Variants in PPIG observed in about 807,000 individuals in gnomAD.
The protein encoded by PPIG is peptidylprolyl isomerase G.
In PPIG, 26 loss-of-function variants were observed where a neutral mutation model predicts 87.9. That is an observed-to-expected ratio of 0.30 (90% confidence interval 0.22 to 0.41). The LOEUF is 0.41. Ranked by LOEUF, PPIG falls within the 10% of genes least tolerant of loss-of-function variation. The pLI, the probability that PPIG is intolerant of heterozygous loss-of-function variation, is 1.00. For missense variants in PPIG, 722 were observed against 879.4 expected, an observed-to-expected ratio of 0.82 and a Z score of 2.26; for synonymous variants, 308 against 276.5, an observed-to-expected ratio of 1.11 and a Z score of -1.13.
At position 169,637,353 on chromosome 2, in the gene PPIG, A is replaced by G. The variant is rs8207; in HGVS notation, c.2095A>G (p.Asn699Asp). The change falls in exon 14 of 14, where the codon AAT (asparagine) becomes GAT (aspartate). Residue 699 changes from asparagine to aspartate, a missense_variant. Physicochemically the swap from Asn to Asp is conservative, Grantham distance 23. Coordinates refer to ENST00000260970, the MANE Select transcript of PPIG (RefSeq NM_004792.3). ...FSKIKQSSQD[N>D]ELKSSMLKNK... Reference sequence around the variant, plus strand: ...AAAAATAAAACAAAGCAGTCAGGACAATGAATTAAAGTCCTCCATGTTGAA... The same window carrying G: ...AAAAATAAAACAAAGCAGTCAGGACGATGAATTAAAGTCCTCCATGTTGAA... 404,772 of 1,609,656 alleles carry G rather than the reference A, an allele frequency of 0.25. 53,281 individuals carry two copies. The highest frequency in any genetic ancestry group is 0.29 in the Middle Eastern group (1,597 of 5,450).
rs1328525314 is a variant in PPIG at position 169,638,952 on chromosome 2, C to G, written c.*1429C>G. 6.6e-6 allele frequency: 1 copy of G among 151,976 alleles called. No homozygotes were observed. Among genetic ancestry groups the G allele is most frequent in the Non-Finnish European group, 1.5e-5 (1 of 67,906 alleles). The allele number at this position is 151,976 out of a possible 1,614,324, so 9.4% of individuals were successfully genotyped here. On this transcript the variant is annotated 3_prime_UTR_variant, in exon 14 of 14. Transcript: ENST00000260970. ...TTAATATTTGTCAGTGTAGTGTCAA[C>G]TCTGTTACCAAGGTAGCTTCTTGGT...
Position 169,636,682 on chromosome 2 carries a change from C to A in PPIG, c.1424C>A (p.Ser475Ter). The stretch of plus-strand genomic sequence containing the variant: ...AAATCAAAGAGTAAAGAAAGAGATT[C>A]AAAACATAATAGAAATGAAGAAAAG... The part of the protein sequence containing the change: ...KEKSKSKERD[S>*]KHNRNEEKRM... The change falls in exon 14 of 14, where the codon TCA (serine) becomes TAA (stop). Residue 475 changes from serine (S) to a stop codon, truncating the protein, a stop_gained. Coordinates refer to ENST00000260970, the MANE Select transcript of PPIG (RefSeq NM_004792.3). LOFTEE classifies it high-confidence loss of function. 6.2e-7 allele frequency: 1 copy of A among 1,607,016 alleles called. No individual in the cohort carries two copies. Among genetic ancestry groups the A allele is most frequent in the South Asian group, 1.1e-5 (1 of 89,032 alleles).
chr2:169,595,002 C>T (rs1574437258), intron 1 of PPIG, among the ~76,000 whole-genome samples: 2 of 152,110 alleles, frequency 1.3e-5, no homozygotes, highest in African/African-American at 4.8e-5. Flanking sequence ...GATCTCAGCT[C>T]ACTACAACCT....
At chr2:169,629,613 A>C (rs181097260) in intron 9 of PPIG, among the ~76,000 whole-genome samples, 133 of 152,330 alleles carry the variant, frequency 8.7e-4, no homozygotes, top group African/African-American at 2.9e-3. Context: ...TTACTAATTG[A>C]GTCCTTACTG....
At chr2:169,597,304 A>T (rs1474566289) in intron 1 of PPIG, among the ~76,000 whole-genome samples, 2 of 151,850 alleles carry the variant, frequency 1.3e-5, no homozygotes, top group Admixed American at 1.3e-4. Context: ...TACTTGTAAA[A>T]TTTAATTTAA....
intron 1 of PPIG, among the ~76,000 whole-genome samples, chr2:169,589,917 C>G (rs918617794): frequency 1.3e-5 from 2 of 151,780 alleles, no homozygotes; most frequent in African/African-American, 4.8e-5. Flanking sequence ...TGAGACCAGT[C>G]TGACCAACAT....
At chr2:169,609,087 A>C (rs1685416915) in intron 7 of PPIG, among the ~76,000 whole-genome samples, 1 of 151,874 alleles carries the variant, frequency 6.6e-6, no homozygotes, top group Non-Finnish European at 1.5e-5. Flanking sequence ...GTCTCAAAAA[A>C]AAAAAAAAAA....
At chr2:169,612,094 G>A (rs138943033) in intron 7 of PPIG, among the ~76,000 whole-genome samples, 3,767 of 152,162 alleles carry the variant, frequency 0.025, 166 homozygotes, top group African/African-American at 0.086. Context: ...TACCGCCTCA[G>A]CCTCCCAAAG....
At chr2:169,615,876 C>T (rs751572076) in intron 9 of PPIG, among the ~76,000 whole-genome samples, 2 of 152,100 alleles carry the variant, frequency 1.3e-5, no homozygotes, top group South Asian at 2.1e-4. Flanking sequence ...ACTTTAAGTT[C>T]TGGGATACAT....
rs1454051195 is a variant in PPIG, at chr2:169,592,262, AGATGTTTGTCTTACTGCATCTGGT to A, written c.-70+7773_-70+7796del. Reference sequence around the variant, plus strand: ...CTTGAAAAAAAATGAAAAATTGACCAGATGTTTGTCTTACTGCATCTGGTTTCAGATGTCTTTTTTCTTTTTTTT... The same window carrying A: ...CTTGAAAAAAAATGAAAAATTGACCATTCAGATGTCTTTTTTCTTTTTTTT... On this transcript the variant is annotated intron_variant, in intron 1 of 13. Transcript: ENST00000260970. Among the ~76,000 whole-genome samples, 11 of 147,324 alleles carry A rather than the reference AGATGTTTGTCTTACTGCATCTGGT, an allele frequency of 7.5e-5. No homozygotes were observed. In the East Asian group the frequency reaches 1.6e-3, roughly 21 times the overall value.
chr2:169,634,713 C>T (rs1023544531), intron 12 of PPIG, among the ~76,000 whole-genome samples: 3 of 152,072 alleles, frequency 2.0e-5, no homozygotes, highest in African/African-American at 7.2e-5. Flanking sequence ...ATGAATATAT[C>T]TTACCCATCA....
At position 169,603,581 on chromosome 2, in the gene PPIG, C is replaced by T. The variant is rs1111534; in HGVS notation, c.-69-61C>T. Reference sequence around the variant, plus strand: ...CTATATACTATTCTTTTTCTTCTTACATGATTTTTGCTTCTTAAAAATCTC... The same window carrying T: ...CTATATACTATTCTTTTTCTTCTTATATGATTTTTGCTTCTTAAAAATCTC... On this transcript the variant is annotated intron_variant, in intron 1 of 13. Transcript: ENST00000260970. 0.41 allele frequency: 62,894 copies of T among 155,112 alleles called. 13,412 individuals are homozygous for T. Among genetic ancestry groups the T allele is most frequent in the East Asian group, 0.58 (3,085 of 5,276 alleles). The allele number at this position is 155,112 out of a possible 1,614,324, so 9.6% of individuals were successfully genotyped here.
chr2:169,599,852 C>T (rs1351061506), intron 1 of PPIG, among the ~76,000 whole-genome samples: 1 of 152,134 alleles, frequency 6.6e-6, no homozygotes, highest in East Asian at 1.9e-4. Context: ...AATTAATATT[C>T]TCAGCAACTA....
intron 9 of PPIG, among the ~76,000 whole-genome samples, chr2:169,630,088 T>C (rs1382069566): frequency 6.6e-6 from 1 of 152,118 alleles, no homozygotes; most frequent in Non-Finnish European, 1.5e-5. Flanking sequence ...ATTCTTGTTA[T>C]GTTACACCTT....
At chr2:169,599,345 T>TGA (rs1410507522) in intron 1 of PPIG, among the ~76,000 whole-genome samples, 3 of 152,216 alleles carry the variant, frequency 2.0e-5, no homozygotes. Flanking sequence ...TTTTTTCATG[T>TGA]GGCATTTAAC....
Position 169,637,172 on chromosome 2 carries a change from C to T in PPIG, c.1914C>T (p.Ser638=), listed in dbSNP as rs1208338912. 1.9e-6 allele frequency: 3 copies of T among 1,612,604 alleles called. No individual in the cohort carries two copies. The Admixed American group carries it at 5.0e-5, about 27-fold the overall frequency. ...SRSSEREESQ[S]RNKDKYRNQE... ...GCTCAGAGAGAGAAGAAAGTCAAAGCAGAAACAAAGACAAATACAGAAACC... is the reference window on the plus strand; with the variant it reads ...GCTCAGAGAGAGAAGAAAGTCAAAGTAGAAACAAAGACAAATACAGAAACC... Residue 638 remains serine (S), a synonymous_variant, in exon 14 of 14, where the codon AGC becomes AGT. Coordinates refer to ENST00000260970, the MANE Select transcript of PPIG (RefSeq NM_004792.3).
chr2:169,623,562 A>G (rs561637781), intron 9 of PPIG, among the ~76,000 whole-genome samples: 9 of 152,316 alleles, frequency 5.9e-5, no homozygotes, highest in Admixed American at 1.3e-4. Flanking sequence ...TTGCCTGACA[A>G]TACAGAACAA....
At chr2:169,607,242 T>G in intron 6 of PPIG, 94 bp downstream of exon 6, 1 of 792,460 alleles carries the variant, frequency 1.3e-6, no homozygotes, top group Non-Finnish European at 2.0e-6. Flanking sequence ...CATTAAAGGG[T>G]ATACTAATGT....
At chr2:169,618,645 G>A (rs1685664135) in intron 9 of PPIG, among the ~76,000 whole-genome samples, 1 of 152,112 alleles carries the variant, frequency 6.6e-6, no homozygotes, top group South Asian at 2.1e-4. Flanking sequence ...TTGTGTAGAG[G>A]TGTTCATAGT....
Sources: gnomAD v4.1 joint callset for allele counts (sites outside exome capture counted in the v4.1 genomes callset) on GRCh38, gnomAD v4.1.1 for gene constraint, MANE v1.5 for transcripts, NCBI Gene and HGNC (gene_info 2026-07-23, HGNC 2026-07-21) for gene names.